GRIN2A: variants seen among roughly 807,000 people sequenced by gnomAD.
GRIN2A encodes the protein glutamate ionotropic receptor NMDA type subunit 2A.
In GRIN2A, 22 loss-of-function variants were observed where a neutral mutation model predicts 113.4. The ratio of observed to expected loss-of-function variants is 0.19; its 90% CI spans 0.14 to 0.28. GRIN2A has a LOEUF of 0.28. Among genes scored for constraint, GRIN2A ranks in the 10% least tolerant of loss-of-function variants. GRIN2A has a pLI of 1.00. For synonymous variants in GRIN2A, 827 were observed against 738.4 expected (o/e 1.12, Z -1.94); for missense variants, 1,502 against 1,887.0 (o/e 0.80, Z 3.78).
chr16:10,054,594 C>T (rs1192678423), intron 2 of GRIN2A, among the ~76,000 whole-genome samples: 1 of 152,056 alleles, frequency 6.6e-6, no homozygotes, highest in African/African-American at 2.4e-5. Flanking sequence ...TTCTGTGTTT[C>T]GTTGATTTAA....
intron 4 of GRIN2A, among the ~76,000 whole-genome samples, chr16:9,877,940 G>C (rs1482497343): frequency 1.3e-5 from 2 of 149,830 alleles, no homozygotes; most frequent in South Asian, 4.3e-4. Flanking sequence ...ACACAGATGA[G>C]CAGATGACCC....
chr16:10,106,918 C>T (rs2048511464), intron 2 of GRIN2A, among the ~76,000 whole-genome samples: 1 of 152,142 alleles, frequency 6.6e-6, no homozygotes, highest in Non-Finnish European at 1.5e-5. Flanking sequence ...CCAGAATAGA[C>T]ATTGCCATTA....
chr16:9,922,223 G>T (rs2044370647), intron 3 of GRIN2A, among the ~76,000 whole-genome samples: 1 of 151,888 alleles, frequency 6.6e-6, no homozygotes, highest in Non-Finnish European at 1.5e-5. Context: ...CAAGTTAATG[G>T]CCTAAGTGAT....
chr16:10,126,680 T>A (rs1008711741), intron 2 of GRIN2A, among the ~76,000 whole-genome samples: 1 of 152,214 alleles, frequency 6.6e-6, no homozygotes, highest in East Asian at 1.9e-4. Flanking sequence ...CGTTTTTCCC[T>A]ACCATTTGTT....
At chr16:10,179,818 A>G in intron 2 of GRIN2A, 180 bp downstream of exon 2, 1 of 648,420 alleles carries the variant, frequency 1.5e-6, no homozygotes, top group Non-Finnish European at 2.8e-6. Context: ...AGGCATTTCC[A>G]TTCATTTCTG....
chr16:10,125,230 A>C (rs936679077), intron 2 of GRIN2A, among the ~76,000 whole-genome samples: 1 of 152,220 alleles, frequency 6.6e-6, no homozygotes, highest in Non-Finnish European at 1.5e-5. Context: ...GACGCCTTCT[A>C]CTTCTTACTA....
chr16:9,763,126 G>T lies in GRIN2A; in HGVS notation c.*23C>A. The T allele has an allele frequency of 6.2e-7, 1 of 1,609,572 alleles. No individual in the cohort carries two copies. On this transcript the variant is annotated 3_prime_UTR_variant, in exon 13 of 13. Transcript: ENST00000330684. ...TGGCCATTACGTATATTTCCCTATA[G>T]ATAAAACATTAATGGAAGATTTTTA...
At chr16:9,957,540 T>A (rs980343483) in intron 2 of GRIN2A, among the ~76,000 whole-genome samples, 3 of 152,198 alleles carry the variant, frequency 2.0e-5, no homozygotes, top group African/African-American at 7.2e-5. Context: ...AATCCACAGT[T>A]GTTCTCTGCA....
chr16:9,787,596 C>G (rs1245084597), intron 11 of GRIN2A, among the ~76,000 whole-genome samples: 1 of 152,196 alleles, frequency 6.6e-6, no homozygotes. Flanking sequence ...ACATTTGGCT[C>G]AGAATAGATT....
intron 10 of GRIN2A, among the ~76,000 whole-genome samples, chr16:9,799,752 C>A (rs547508872): frequency 1.6e-4 from 25 of 152,266 alleles, no homozygotes; most frequent in African/African-American, 4.8e-4. Flanking sequence ...TGTGAATACA[C>A]ATAGCACTTT....
At chr16:9,801,689 AG>A (rs1237427810) in intron 10 of GRIN2A, among the ~76,000 whole-genome samples, 2 of 152,240 alleles carry the variant, frequency 1.3e-5, no homozygotes, top group African/African-American at 4.8e-5. Context: ...GAAAAGTCAG[AG>A]GCAGGACAGC....
At chr16:9,794,060 A>G (rs945068490) in intron 11 of GRIN2A, among the ~76,000 whole-genome samples, 2 of 152,328 alleles carry the variant, frequency 1.3e-5, no homozygotes, top group African/African-American at 4.8e-5. Flanking sequence ...GCTGAAACAT[A>G]TGCATGAGCA....
chr16:9,841,002 G>A lies in GRIN2A; in HGVS notation c.1431C>T (p.Leu477=), dbSNP rs772869148. The A allele has an allele frequency of 1.9e-6, 3 of 1,613,376 alleles. No homozygotes were observed. The highest frequency in any genetic ancestry group is 2.5e-6 in the Non-Finnish European group (3 of 1,179,508). The part of the protein sequence containing the change: ...LSRTVKFTYD[L]YLVTNGKHGK... The stretch of plus-strand genomic sequence containing the variant: ...CATGCTTCCCATTGGTCACCAGATA[G>A]AGGTCGTAAGTAAACTTCACAGTTC... Residue 477 remains leucine (L), a synonymous_variant, in exon 6 of 13, where the codon CTC becomes CTT. Coordinates refer to ENST00000330684, the MANE Select transcript of GRIN2A (RefSeq NM_001134407.3).
chr16:10,132,736 G>A lies in GRIN2A; in HGVS notation c.414+47262C>T, dbSNP rs1341418032. 3.9e-5 allele frequency among the ~76,000 whole-genome samples: 6 copies of A among 152,202 alleles called. No individual in the cohort carries two copies. In the South Asian group the frequency reaches 1.2e-3, roughly 32 times the overall value. On this transcript the variant is annotated intron_variant, in intron 2 of 12. Transcript: ENST00000330684. ...ATGTCCTAAAGGACTGCAGAAAGAA[G>A]CAAAATAATACGTCTAAGCAGTGTA... is the stretch of plus-strand genomic sequence containing the variant.
At chr16:10,159,264 T>G (rs2049764653) in intron 2 of GRIN2A, among the ~76,000 whole-genome samples, 1 of 152,100 alleles carries the variant, frequency 6.6e-6, no homozygotes. Flanking sequence ...GGAATACCAT[T>G]GACAGAGAGA....
Position 10,068,662 on chromosome 16 carries a change from A to G in GRIN2A, c.414+111336T>C, listed in dbSNP as rs182492818. Among the ~76,000 whole-genome samples, 30 of 152,312 alleles carry G rather than the reference A, an allele frequency of 2.0e-4. No homozygotes were observed. The East Asian group carries it at 5.4e-3, about 27-fold the overall frequency. On this transcript the variant is annotated intron_variant, in intron 2 of 12. Coordinates refer to ENST00000330684, the MANE Select transcript of GRIN2A (RefSeq NM_001134407.3). ...CGTAAGATTTGGGCAAGACATCCAAACCTTATCAATTCCCCCATGGATCAT... is the reference window on the plus strand; with the variant it reads ...CGTAAGATTTGGGCAAGACATCCAAGCCTTATCAATTCCCCCATGGATCAT...
At chr16:9,907,607 A>G (rs112161744) in intron 3 of GRIN2A, among the ~76,000 whole-genome samples, 110 of 152,324 alleles carry the variant, frequency 7.2e-4, no homozygotes, top group Non-Finnish European at 1.4e-3. Flanking sequence ...ATTTTACTAG[A>G]TATTATTTTT....
intron 2 of GRIN2A, among the ~76,000 whole-genome samples, chr16:10,119,995 T>C (rs904269992): frequency 6.6e-6 from 1 of 152,208 alleles, no homozygotes; most frequent in Admixed American, 6.5e-5. Context: ...GATGGGCGTT[T>C]AGGTGGATTC....
chr16:9,849,667 T>C, intron 5 of GRIN2A, 89 bp downstream of exon 5: 1 of 953,474 alleles, frequency 1.0e-6, no homozygotes, highest in Non-Finnish European at 1.7e-6. Flanking sequence ...TGACATTTTG[T>C]GATTCAAGTA....
Sources: gnomAD v4.1 joint callset for allele counts (sites outside exome capture counted in the v4.1 genomes callset) on GRCh38, gnomAD v4.1.1 for gene constraint, MANE v1.5 for transcripts, NCBI Gene and HGNC (gene_info 2026-07-23, HGNC 2026-07-21) for gene names.